The following CLPB variants were observed in gnomAD, a reference collection of about 807,000 sequenced individuals.
CLPB encodes the protein mitochondrial disaggregase.
A neutral mutation model predicts 78.4 loss-of-function variants in CLPB; 40 were observed. That is an observed-to-expected ratio of 0.51 (90% CI 0.40 to 0.66). The LOEUF is 0.66. Ranked by LOEUF, CLPB falls within the 30% of genes least tolerant of loss-of-function variation. CLPB has a pLI of 0.00. For synonymous variants in CLPB, 333 were observed against 348.0 expected, an observed-to-expected ratio of 0.96 and a Z score of 0.48; for missense variants, 780 against 886.9, an observed-to-expected ratio of 0.88 and a Z score of 1.53.
chr11:72,431,643 A>G (rs1307554500), intron 1 of CLPB, among the ~76,000 whole-genome samples: 1 of 152,172 alleles, frequency 6.6e-6, no homozygotes. Flanking sequence ...CATGGCTCAG[A>G]CAGCCACCAG....
chr11:72,363,781 T>C (rs2135630587), intron 4 of CLPB, among the ~76,000 whole-genome samples: 1 of 152,304 alleles, frequency 6.6e-6, no homozygotes, highest in African/African-American at 2.4e-5. Flanking sequence ...CTCTGCTCTA[T>C]CTTCTGTACT....
chr11:72,323,135 G>A (rs1590794098), intron 6 of CLPB, among the ~76,000 whole-genome samples: 1 of 152,274 alleles, frequency 6.6e-6, no homozygotes, highest in Admixed American at 6.5e-5. Context: ...CTAGTAAAGG[G>A]CAACTTGATA....
intron 3 of CLPB, among the ~76,000 whole-genome samples, chr11:72,395,359 C>T (rs879668367): frequency 4.6e-5 from 7 of 152,170 alleles, no homozygotes; most frequent in Non-Finnish European, 5.9e-5. Flanking sequence ...GCCTTGCTCC[C>T]GGCCCCTTCC....
At position 72,337,778 on chromosome 11, in the gene CLPB, C is replaced by T. The variant is rs560444788; in HGVS notation, c.776-7974G>A. ...AGAGAGAAAACTCATCTTTTTTCCT[C>T]TCTTCCAGTGTGCTCAGATGCTCCA... On this transcript the variant is annotated intron_variant, in intron 5 of 15. Transcript: ENST00000538039. Among the ~76,000 whole-genome samples, 6 of 152,300 alleles carry T rather than the reference C, an allele frequency of 3.9e-5. No homozygotes were observed. The South Asian group carries it at 1.2e-3, about 32-fold the overall frequency.
chr11:72,295,747 G>T, intron 11 of CLPB, 99 bp from the exon 12 acceptor site: 1 of 1,193,884 alleles, frequency 8.4e-7, no homozygotes, highest in Non-Finnish European at 1.2e-6. Context: ...CCTCCCCAGA[G>T]CCCTGTGTCT....
Position 72,317,216 on chromosome 11 carries a change from T to A in CLPB, c.878A>T (p.Gln293Leu). ...KLLRTSEAKY[Q>L]EKQRKREAEE... ...AGCCTCACGCTTCCGCTGCTTCTCT[T>A]GGTACTGTGGGGAGAGAGGGCAAAT... is the stretch of plus-strand genomic sequence containing the variant. The change falls in exon 7 of 16, where the codon CAA (glutamine) becomes CTA (leucine). Residue 293 changes from glutamine to leucine, a missense_variant. Gln to Leu is a moderately radical substitution (Grantham distance 113). This residue lies in a region of CLPB where 417 missense variants were observed against 414.7 expected (regional missense o/e 1.01). Coordinates refer to ENST00000538039, the MANE Select transcript of CLPB (RefSeq NM_001258392.3). The A allele has an allele frequency of 1.2e-6, 2 of 1,607,360 alleles. No homozygotes were observed. The highest frequency in any genetic ancestry group is 2.2e-5 in the South Asian group (2 of 90,054).
At chr11:72,359,194 C>G (rs1476524132) in intron 4 of CLPB, 186 bp from the exon 5 acceptor site, 2 of 773,368 alleles carry the variant, frequency 2.6e-6, no homozygotes, top group Non-Finnish European at 4.4e-6. Flanking sequence ...CCAGTTAGTT[C>G]CACAATGTTT....
chr11:72,296,874 G>C (rs1334098466), intron 11 of CLPB, among the ~76,000 whole-genome samples: 1 of 152,130 alleles, frequency 6.6e-6, no homozygotes, highest in Non-Finnish European at 1.5e-5. Context: ...AGAAACTGAG[G>C]CTCAGAGAGG....
chr11:72,409,999 C>T (rs1042801691), intron 2 of CLPB, among the ~76,000 whole-genome samples: 19 of 151,236 alleles, frequency 1.3e-4, no homozygotes, highest in African/African-American at 4.4e-4. Flanking sequence ...CAGGCTCTGG[C>T]GGGTGGATCA....
intron 9 of CLPB, 184 bp from the exon 10 acceptor site, chr11:72,302,532 C>A: frequency 5.0e-6 from 3 of 601,926 alleles, no homozygotes; most frequent in South Asian, 1.9e-5. Flanking sequence ...TCATTTCCTA[C>A]GAGTCCCTCA....
chr11:72,361,399 T>G (rs1950835988), intron 4 of CLPB, among the ~76,000 whole-genome samples: 1 of 152,212 alleles, frequency 6.6e-6, no homozygotes, highest in Non-Finnish European at 1.5e-5. Flanking sequence ...GAGAGCCGTT[T>G]AGGACCTCAA....
At chr11:72,408,531 G>A (rs1328015256) in intron 2 of CLPB, among the ~76,000 whole-genome samples, 2 of 151,930 alleles carry the variant, frequency 1.3e-5, no homozygotes, top group Admixed American at 6.6e-5. Context: ...GCCGGGTGTG[G>A]TGGCACACAC....
intron 2 of CLPB, among the ~76,000 whole-genome samples, chr11:72,406,882 A>G (rs796793927): frequency 4.6e-5 from 7 of 152,256 alleles, no homozygotes; most frequent in African/African-American, 1.7e-4. Context: ...TTATAAATAC[A>G]TATACATGGG....
rs560559107 is a variant in CLPB at position 72,416,519 on chromosome 11, T to C, written c.456-13467A>G. ...GGGAGGCTGAGGCAGGCAGATCACC[T>C]GAGGTCAGGAGTTCGAGACAAGCCT... On this transcript the variant is annotated intron_variant, in intron 2 of 15. Coordinates refer to ENST00000538039, the MANE Select transcript of CLPB (RefSeq NM_001258392.3). Among the ~76,000 whole-genome samples, 11 of 152,134 alleles carry C rather than the reference T, an allele frequency of 7.2e-5. No individual in the cohort carries two copies. In the South Asian group the frequency reaches 2.1e-3, roughly 29 times the overall value.
At chr11:72,362,183 G>T (rs576455956) in intron 4 of CLPB, among the ~76,000 whole-genome samples, 1 of 152,168 alleles carries the variant, frequency 6.6e-6, no homozygotes, top group East Asian at 1.9e-4. Flanking sequence ...CCAATACAGC[G>T]CTAGGCCTCT....
intron 3 of CLPB, among the ~76,000 whole-genome samples, chr11:72,381,809 G>A (rs1412955323): frequency 6.6e-6 from 1 of 152,032 alleles, no homozygotes; most frequent in East Asian, 1.9e-4. Context: ...TTAGGCACTG[G>A]GCCAGCACCT....
chr11:72,368,018 T>C (rs1041115192), intron 4 of CLPB, among the ~76,000 whole-genome samples: 6 of 152,222 alleles, frequency 3.9e-5, no homozygotes, highest in African/African-American at 1.4e-4. Flanking sequence ...GCCTGGCATG[T>C]AGTAAGGACT....
intron 7 of CLPB, chr11:72,310,947 G>GGA (rs1949835021): frequency 6.6e-6 from 1 of 152,074 alleles, no homozygotes; most frequent in African/African-American, 2.4e-5. Flanking sequence ...AATGCACCTG[G>GGA]GAGAGAGCTC....
intron 3 of CLPB, among the ~76,000 whole-genome samples, chr11:72,388,337 G>A (rs1262122660): frequency 8.2e-5 from 12 of 146,008 alleles, no homozygotes; most frequent in East Asian, 2.1e-4. Context: ...TGCCAGCTCC[G>A]CCTCCCGGGT....
Sources: gnomAD v4.1 joint callset for allele counts (sites outside exome capture counted in the v4.1 genomes callset) on GRCh38, gnomAD v4.1.1 for gene constraint, gnomAD v4.1.1 regional missense constraint, MANE v1.5 for transcripts, NCBI Gene and HGNC (gene_info 2026-07-23, HGNC 2026-07-21) for gene names.